RAPGEF1: variants seen among roughly 807,000 people sequenced by gnomAD.
The protein encoded by RAPGEF1 is CRK SH3-binding GNRP.
RAPGEF1 carries 33 observed loss-of-function variants against 143.3 expected under a neutral mutation model. That is an observed-to-expected ratio of 0.23 (90% confidence interval 0.17 to 0.31). The LOEUF is 0.31. Ranked by LOEUF, RAPGEF1 falls within the 10% of genes least tolerant of loss-of-function variation. The pLI is 1.00. For missense variants in RAPGEF1, 1,199 were observed against 1,645.4 expected (o/e 0.73, Z 4.69); for synonymous variants, 629 against 676.5 (o/e 0.93, Z 1.09).
chr9:131,648,577 C>G (rs1203190964), intron 3 of RAPGEF1, among the ~76,000 whole-genome samples: 1 of 152,172 alleles, frequency 6.6e-6, no homozygotes, highest in Non-Finnish European at 1.5e-5. Context: ...GTAGTTAATA[C>G]TACATTCGGC....
rs1208610629 is a variant in RAPGEF1 at position 131,723,055 on chromosome 9, G to A, written c.61+16715C>T. 2.0e-5 allele frequency among the ~76,000 whole-genome samples: 3 copies of A among 152,160 alleles called. No homozygotes were observed. In the East Asian group the frequency reaches 5.8e-4, roughly 29 times the overall value. On this transcript the variant is annotated intron_variant, in intron 1 of 26. Coordinates refer to ENST00000683357, the MANE Select transcript of RAPGEF1 (RefSeq NM_001377935.1). The stretch of plus-strand genomic sequence containing the variant: ...CTAAAAATATAACAATTAGCCAGGT[G>A]TGGTGGTACATGCCTGTAGCCCCAG...
Position 131,587,759 on chromosome 9 carries a change from C to T in RAPGEF1, c.3210G>A (p.Glu1070=), listed in dbSNP as rs1953416305. 5 of 1,613,544 alleles carry T rather than the reference C, an allele frequency of 3.1e-6. No individual in the cohort carries two copies. The highest frequency in any genetic ancestry group is 4.2e-6 in the Non-Finnish European group (5 of 1,179,784). ...EKSPNLTQFT[E]HFNNMSYWVR... is the part of the protein sequence containing the mutation. ...ACCAGTAGGACATGTTGTTGAAGTG[C>T]TCCGTGAACTGGGTCAAGTTGGGGC... Residue 1070 remains glutamate, a synonymous_variant, in exon 22 of 27, where the codon GAG becomes GAA. Transcript: ENST00000683357.
chr9:131,660,018 C>T (rs983827357), intron 1 of RAPGEF1, among the ~76,000 whole-genome samples: 1 of 152,128 alleles, frequency 6.6e-6, no homozygotes, highest in African/African-American at 2.4e-5. Flanking sequence ...CGGGGTTTCA[C>T]CGTGTTAGCC....
rs1967796850 is a variant in RAPGEF1 at position 131,641,017 on chromosome 9, C to T, written c.494+2222G>A. Among the ~76,000 whole-genome samples the T allele has an allele frequency of 6.6e-6, 1 of 152,142 alleles. No individual in the cohort carries two copies. Among genetic ancestry groups the T allele is most frequent in the Non-Finnish European group, 1.5e-5 (1 of 68,006 alleles). ...ACACCCAGGCACTTCCCATTTTCTC[C>T]TCTAGGAAATGGTTATAGACATTCA... On this transcript the variant is annotated intron_variant, in intron 4 of 26. Coordinates refer to ENST00000683357, the MANE Select transcript of RAPGEF1 (RefSeq NM_001377935.1). This position sits in a 1 kb window ranked among gnomAD's most constrained non-coding sequence, Gnocchi z 4.6.
chr9:131,643,517 A>T, intron 3 of RAPGEF1, 100 bp from the exon 4 acceptor site: 1 of 1,144,448 alleles, frequency 8.7e-7, no homozygotes, highest in Non-Finnish European at 1.2e-6. Flanking sequence ...TGAGATCGAT[A>T]GGAATGGAAA....
At chr9:131,706,539 G>GGATT (rs1049659750) in intron 1 of RAPGEF1, among the ~76,000 whole-genome samples, 1 of 152,080 alleles carries the variant, frequency 6.6e-6, no homozygotes, top group African/African-American at 2.4e-5. Flanking sequence ...CAAAGTGCTG[G>GGATT]GATTACAGGT....
At chr9:131,588,059 GGGTGGGGAGGCC>G (rs1953480606) in intron 20 of RAPGEF1, 33 bp from the exon 21 acceptor site, 1 of 1,574,272 alleles carries the variant, frequency 6.4e-7, no homozygotes, top group South Asian at 1.1e-5. Flanking sequence ...GAGCCGTCAG[GGGTGGGGAGGCC>G]GGTGGGGAGG....
chr9:131,637,528 T>G (rs777079049), intron 5 of RAPGEF1, among the ~76,000 whole-genome samples: 2 of 152,180 alleles, frequency 1.3e-5, no homozygotes, highest in Non-Finnish European at 2.9e-5. Context: ...TTCAGGAATT[T>G]GTTAGCCTCG....
At chr9:131,631,115 T>C (rs1964720898) in intron 5 of RAPGEF1, among the ~76,000 whole-genome samples, 1 of 152,218 alleles carries the variant, frequency 6.6e-6, no homozygotes, top group Non-Finnish European at 1.5e-5. Context: ...TACTTTTGCC[T>C]GTCCTAGAAC....
At chr9:131,673,964 G>A (rs1482101860) in intron 1 of RAPGEF1, among the ~76,000 whole-genome samples, 3 of 152,182 alleles carry the variant, frequency 2.0e-5, no homozygotes, top group East Asian at 1.9e-4. Flanking sequence ...GCTAGTAGAC[G>A]TTTTTGCAAA....
intron 1 of RAPGEF1, among the ~76,000 whole-genome samples, chr9:131,673,903 A>C (rs1310973083): frequency 6.6e-6 from 1 of 152,176 alleles, no homozygotes; most frequent in African/African-American, 2.4e-5. Context: ...GCCAGTCCCC[A>C]TGTCCTCAGA....
chr9:131,640,990 C>T (rs1012460137), intron 4 of RAPGEF1, among the ~76,000 whole-genome samples: 4 of 152,118 alleles, frequency 2.6e-5, no homozygotes, highest in African/African-American at 7.2e-5. Context: ...GTCCTTACAG[C>T]CACACCCAGG....
At chr9:131,598,403 A>G in intron 15 of RAPGEF1, 93 bp from the exon 16 acceptor site, 2 of 1,034,026 alleles carry the variant, frequency 1.9e-6, no homozygotes, top group Non-Finnish European at 1.5e-6. Flanking sequence ...ACGGCTCGAA[A>G]CCGCTCCCGG....
At chr9:131,736,155 A>C (rs1837400428) in intron 1 of RAPGEF1, among the ~76,000 whole-genome samples, 1 of 152,168 alleles carries the variant, frequency 6.6e-6, no homozygotes, top group Non-Finnish European at 1.5e-5. Flanking sequence ...CTTCCAGAAC[A>C]AATCCCTCTG....
At chr9:131,677,646 C>T (rs563513644) in intron 1 of RAPGEF1, among the ~76,000 whole-genome samples, 34 of 152,178 alleles carry the variant, frequency 2.2e-4, no homozygotes, top group Admixed American at 9.8e-4. Context: ...AGAGGAAAGA[C>T]GCAACCAAAC....
chr9:131,626,234 C>A lies in RAPGEF1; in HGVS notation c.1390G>T (p.Gly464Trp). The A allele has an allele frequency of 6.2e-7, 1 of 1,613,916 alleles. No homozygotes were observed. Among genetic ancestry groups the A allele is most frequent in the East Asian group, 2.2e-5 (1 of 44,890 alleles). Residue 464 changes from glycine to tryptophan, a missense_variant, in exon 10 of 27, where the codon GGG (glycine) becomes TGG (tryptophan). By Grantham distance (184) the Gly-to-Trp change is radical. Around this residue, in one of 6 missense-constraint regions of RAPGEF1, gnomAD observed 613 missense variants for 710.9 expected, o/e 0.86. Coordinates refer to ENST00000683357, the MANE Select transcript of RAPGEF1 (RefSeq NM_001377935.1). ...GCAGGTGGCGTATCTGTCTGCTGCC[C>A]TGGGGCCAGAGGTCCGTCTGGCTGG... ...HPQPDGPLAPGQQTDTPPALP... is the reference protein window; with the variant it reads ...HPQPDGPLAPWQQTDTPPALP...
Position 131,628,978 on chromosome 9 carries a change from CAG to C in RAPGEF1, c.893+122_893+123del. 1.5e-6 allele frequency: 2 copies of C among 1,321,744 alleles called. No homozygotes were observed. Among genetic ancestry groups the C allele is most frequent in the Non-Finnish European group, 1.0e-6 (1 of 986,628 alleles). The allele number at this position is 1,321,744 out of a possible 1,614,324, so 81.9% of individuals were successfully genotyped here. The stretch of plus-strand genomic sequence containing the variant: ...AGGGCCGGCGGGGTGGGGACAGCTC[CAG>C]AGTCAGCCTCCCAAGGGGGGCCAAG... On this transcript the variant is annotated intron_variant, in intron 7 of 26. Coordinates refer to ENST00000683357, the MANE Select transcript of RAPGEF1 (RefSeq NM_001377935.1). This position sits in a 1 kb window ranked among gnomAD's most constrained non-coding sequence, Gnocchi z 5.7.
At chr9:131,671,808 TG>T (rs759860705) in intron 1 of RAPGEF1, among the ~76,000 whole-genome samples, 8 of 152,034 alleles carry the variant, frequency 5.3e-5, no homozygotes, top group Admixed American at 3.3e-4. Flanking sequence ...ACTTGAGGGG[TG>T]GATTTGTGGA....
chr9:131,598,965 C>T (rs572733336), intron 15 of RAPGEF1, among the ~76,000 whole-genome samples: 48 of 151,872 alleles, frequency 3.2e-4, no homozygotes, highest in Middle Eastern at 3.4e-3. Context: ...GCTGGGATTA[C>T]AGGCACATGC....
Sources: allele counts gnomAD v4.1 joint callset (sites outside exome capture counted in the v4.1 genomes callset), GRCh38; gene constraint gnomAD v4.1.1; regional missense constraint gnomAD v4.1.1; non-coding constraint Gnocchi (gnomAD v3.1); transcripts MANE v1.5; gene names NCBI Gene and HGNC (gene_info 2026-07-23, HGNC 2026-07-21).